PSMB9: variants seen among roughly 807,000 people sequenced by gnomAD.
The protein encoded by PSMB9 is proteasome subunit beta type-9.
PSMB9 carries 16 observed loss-of-function variants against 26.9 expected under a neutral mutation model. The ratio of observed to expected loss-of-function variants is 0.59; its 90% confidence interval spans 0.40 to 0.90. PSMB9 has a LOEUF of 0.90. PSMB9 is among the 40% of genes least tolerant of loss of function. The probability of loss-of-function intolerance (pLI) is 0.00; values close to 1 mark genes in which losing one functional copy is unlikely to be tolerated. For missense variants in PSMB9, 253 were observed against 292.2 expected (o/e 0.87, Z 0.98); for synonymous variants, 91 against 112.0 (o/e 0.81, Z 1.18).
chr6:32,857,102 A>T, intron 2 of PSMB9, 161 bp from the exon 3 acceptor site: 2 of 648,656 alleles, frequency 3.1e-6, no homozygotes, highest in Non-Finnish European at 4.7e-6. Context: ...CGGGAGGCTG[A>T]GGCAGGAGAA....
intron 3 of PSMB9, 116 bp downstream of exon 3, chr6:32,857,510 T>C: frequency 1.5e-6 from 2 of 1,310,986 alleles, no homozygotes; most frequent in Non-Finnish European, 2.0e-6. Context: ...AAGTCTTGTT[T>C]CGGCTCTTGC....
In PSMB9 at chr6:32,858,392, C is replaced by T; in HGVS notation, c.419C>T (p.Thr140Ile). ...QVYGTLGGMLTRQPFAIGGSG... is the reference protein window; with the variant it reads ...QVYGTLGGMLIRQPFAIGGSG... The stretch of plus-strand genomic sequence containing the variant: ...TATGGAACCCTGGGAGGAATGCTGA[C>T]TCGACAGCCTTTTGCCATTGGTGGC... Residue 140 changes from threonine (T) to isoleucine (I), a missense_variant, in exon 5 of 6, where the codon ACT becomes ATT. By Grantham distance (89) the Thr-to-Ile change is moderately conservative. Transcript: ENST00000374859. The surrounding 1 kb of genome is among the most constrained non-coding windows in gnomAD (Gnocchi z 5.2). 6.2e-7 allele frequency: 1 copy of T among 1,612,948 alleles called. No homozygotes were observed. Among genetic ancestry groups the T allele is most frequent in the Non-Finnish European group, 8.5e-7 (1 of 1,179,988 alleles).
chr6:32,858,060 A>G lies in PSMB9; in HGVS notation c.316A>G (p.Ile106Val), dbSNP rs1356279883. 1 of 1,613,130 alleles carries G rather than the reference A, an allele frequency of 6.2e-7. No individual in the cohort carries two copies. Among genetic ancestry groups the G allele is most frequent in the Admixed American group, 1.7e-5 (1 of 60,032 alleles). ...GGCTGCTGCAAATGTGGTGAGAAATATCAGCTATAAATATCGAGAGGACTT... is the reference window on the plus strand; with the variant it reads ...GGCTGCTGCAAATGTGGTGAGAAATGTCAGCTATAAATATCGAGAGGACTT... The part of the protein sequence containing the change: ...VLAAANVVRN[I>V]SYKYREDLSA... The change falls in exon 4 of 6, where the codon ATC becomes GTC. Residue 106 changes from isoleucine (I) to valine (V), a missense_variant. By Grantham distance (29) the Ile-to-Val change is conservative (BLOSUM62 3). Coordinates refer to ENST00000374859, the MANE Select transcript of PSMB9 (RefSeq NM_002800.5). The surrounding 1 kb of genome is among the most constrained non-coding windows in gnomAD (Gnocchi z 5.2).
chr6:32,856,114 A>T (rs1393022106), intron 1 of PSMB9, 24 bp from the exon 2 acceptor site: 3 of 1,606,864 alleles, frequency 1.9e-6, no homozygotes, highest in African/African-American at 2.7e-5. Flanking sequence ...TTGCCCTGAC[A>T]TTCCATATTC....
rs924411306 is a variant in PSMB9, at chr6:32,858,328, C to T, written c.391-36C>T. Reference sequence around the variant, plus strand: ...TTAATGTCTCAGTGGGAAGGAAGGGCTTGATGATTCTTTAACCTGAGGATC... The same window carrying T: ...TTAATGTCTCAGTGGGAAGGAAGGGTTTGATGATTCTTTAACCTGAGGATC... On this transcript the variant is annotated intron_variant, in intron 4 of 5. Transcript: ENST00000374859. The surrounding 1 kb of genome is among the most constrained non-coding windows in gnomAD (Gnocchi z 5.2). 5 of 1,612,486 alleles carry T rather than the reference C, an allele frequency of 3.1e-6. No individual in the cohort carries two copies. In the African/African-American group the frequency reaches 4.0e-5, roughly 13 times the overall value.
rs1316817089 is a variant in PSMB9, at chr6:32,854,420, G to GAGGT, written c.60+131_60+132insAGGT. 3.9e-5 allele frequency: 32 copies of GAGGT among 821,774 alleles called. No homozygotes were observed. Among genetic ancestry groups the GAGGT allele is most frequent in the Admixed American group, 7.1e-5 (2 of 28,140 alleles). 50.9% of individuals were successfully genotyped at this position (821,774 alleles called of 1,614,324 possible). On this transcript the variant is annotated intron_variant, in intron 1 of 5. Coordinates refer to ENST00000374859, the MANE Select transcript of PSMB9 (RefSeq NM_002800.5). This position sits in a 1 kb window ranked among gnomAD's most constrained non-coding sequence, Gnocchi z 4.6. ...GCAGGGAGGTCGCCTGTAGCAGCCA[G>GAGGT]CGCTTGCAACCCGCAATGAGCATAG... is the stretch of plus-strand genomic sequence containing the variant.
chr6:32,858,451 G>T lies in PSMB9; in HGVS notation c.478G>T (p.Ala160Ser). The change falls in exon 5 of 6, where the codon GCA becomes TCA. Residue 160 changes from alanine to serine, a missense_variant. Ala to Ser is a moderately conservative substitution (Grantham distance 99). Transcript: ENST00000374859. This position sits in a 1 kb window ranked among gnomAD's most constrained non-coding sequence, Gnocchi z 5.2. ...GSTFIYGYVD[A>S]AYKPGMSPEE... ...CACCTTTATCTATGGTTATGTGGATGCAGCATATAAGCCAGGCATGTCTCC... is the reference window on the plus strand; with the variant it reads ...CACCTTTATCTATGGTTATGTGGATTCAGCATATAAGCCAGGCATGTCTCC... The T allele has an allele frequency of 6.2e-7, 1 of 1,613,032 alleles. No homozygotes were observed. Among genetic ancestry groups the T allele is most frequent in the South Asian group, 1.1e-5 (1 of 91,088 alleles).
At position 32,854,783 on chromosome 6, in the gene PSMB9, A is replaced by G. The variant is rs913837768; in HGVS notation, c.60+494A>G. Among the ~76,000 whole-genome samples, 7 of 152,220 alleles carry G rather than the reference A, an allele frequency of 4.6e-5. No homozygotes were observed. Among genetic ancestry groups the G allele is most frequent in the Non-Finnish European group, 8.8e-5 (6 of 68,038 alleles). On this transcript the variant is annotated intron_variant, in intron 1 of 5. Transcript: ENST00000374859. The surrounding 1 kb of genome is among the most constrained non-coding windows in gnomAD (Gnocchi z 4.6). Reference sequence around the variant, plus strand: ...GCAACTCTTAGCCCAAGCACTGATAATGGGCGTTCTGTGTTAACTAGTGAT... The same window carrying G: ...GCAACTCTTAGCCCAAGCACTGATAGTGGGCGTTCTGTGTTAACTAGTGAT...
chr6:32,857,218 A>ATC, intron 2 of PSMB9, 45 bp from the exon 3 acceptor site: 1 of 1,426,244 alleles, frequency 7.0e-7, no homozygotes, highest in Non-Finnish European at 9.3e-7. Flanking sequence ...AAAAAAAAAA[A>ATC]AAACCTGAGT....
intron 1 of PSMB9, among the ~76,000 whole-genome samples, chr6:32,855,556 A>G (rs987317005): frequency 6.6e-6 from 1 of 152,052 alleles, no homozygotes; most frequent in African/African-American, 2.4e-5. Context: ...AACCATCTGT[A>G]TGTGTTCCTT....
At chr6:32,857,123 C>A in intron 2 of PSMB9, 140 bp from the exon 3 acceptor site, 1 of 881,904 alleles carries the variant, frequency 1.1e-6, no homozygotes, top group Non-Finnish European at 1.6e-6. Flanking sequence ...TCACTTGAAC[C>A]AGGGAGGCGA....
At chr6:32,857,473 C>T in intron 3 of PSMB9, 79 bp downstream of exon 3, 1 of 1,452,996 alleles carries the variant, frequency 6.9e-7, no homozygotes, top group Non-Finnish European at 9.1e-7. Context: ...GTGTGCTGTT[C>T]CAGGAGCTGG....
chr6:32,857,209 A>G, intron 2 of PSMB9, 54 bp from the exon 3 acceptor site: 1 of 1,509,556 alleles, frequency 6.6e-7, no homozygotes, highest in Non-Finnish European at 8.8e-7. Context: ...AAAAAAAAAA[A>G]AAAAAAAAAA....
At chr6:32,855,714 A>G (rs1771130507) in intron 1 of PSMB9, among the ~76,000 whole-genome samples, 1 of 151,558 alleles carries the variant, frequency 6.6e-6, no homozygotes, top group Admixed American at 6.6e-5. Context: ...AAATAGACTG[A>G]CCTTGTTTCC....
Position 32,857,280 on chromosome 6 carries a change from G to A in PSMB9, c.146G>A (p.Arg49Gln), listed in dbSNP as rs1275150506. The A allele has an allele frequency of 1.2e-6, 2 of 1,606,020 alleles. No individual in the cohort carries two copies. The highest frequency in any genetic ancestry group is 1.7e-6 in the Non-Finnish European group (2 of 1,176,316). Residue 49 changes from arginine (R) to glutamine (Q), a missense_variant, in exon 3 of 6, where the codon CGA becomes CAA. Physicochemically the swap from Arg to Gln is conservative, Grantham distance 43. Transcript: ENST00000374859. ...CCTGACAGCGAGGCGGTGGTGAACC[G>A]AGTGTTTGACAAGCTGTCCCCGCTG... Reference protein sequence around the residue: ...RVSAGEAVVNRVFDKLSPLHE... With the variant: ...RVSAGEAVVNQVFDKLSPLHE...
rs1461723453 is a variant in PSMB9 at position 32,854,763 on chromosome 6, T to C, written c.60+474T>C. ...TTTGATAAACTTGCCACTGGGCAACTCTTAGCCCAAGCACTGATAATGGGC... is the reference window on the plus strand; with the variant it reads ...TTTGATAAACTTGCCACTGGGCAACCCTTAGCCCAAGCACTGATAATGGGC... On this transcript the variant is annotated intron_variant, in intron 1 of 5. Transcript: ENST00000374859. This position sits in a 1 kb window ranked among gnomAD's most constrained non-coding sequence, Gnocchi z 4.6. 7.9e-5 allele frequency among the ~76,000 whole-genome samples: 12 copies of C among 152,198 alleles called. No homozygotes were observed.
Position 32,854,226 on chromosome 6 carries a change from A to C in PSMB9, c.-4A>C. 6.5e-7 allele frequency: 1 copy of C among 1,545,328 alleles called. No homozygotes were observed. The highest frequency in any genetic ancestry group is 8.7e-7 in the Non-Finnish European group (1 of 1,146,256). On this transcript the variant is annotated 5_prime_UTR_variant, in exon 1 of 6. Transcript: ENST00000374859. The surrounding 1 kb of genome is among the most constrained non-coding windows in gnomAD (Gnocchi z 4.6). Reference sequence around the variant, plus strand: ...GGCGGCGAGGAGAGCGGTGCCTTGCAGGGATGCTGCGGGCGGGAGCACCAA... The same window carrying C: ...GGCGGCGAGGAGAGCGGTGCCTTGCCGGGATGCTGCGGGCGGGAGCACCAA...
At chr6:32,856,029 G>A in intron 1 of PSMB9, 109 bp from the exon 2 acceptor site, 1 of 955,610 alleles carries the variant, frequency 1.0e-6, no homozygotes, top group African/African-American at 1.6e-5. Context: ...CTGTTACTGT[G>A]TAATCTTTGA....
At chr6:32,856,978 A>C (rs575186029) in intron 2 of PSMB9, 1 of 228,672 alleles carries the variant, frequency 4.4e-6, no homozygotes, top group African/African-American at 2.3e-5. Context: ...AGGTGGGCAG[A>C]TATTTGAGGT....
Sources: gnomAD v4.1 joint callset for allele counts (sites outside exome capture counted in the v4.1 genomes callset) on GRCh38, gnomAD v4.1.1 for gene constraint, Gnocchi (gnomAD v3.1) non-coding constraint, MANE v1.5 for transcripts, NCBI Gene and HGNC (gene_info 2026-07-23, HGNC 2026-07-21) for gene names.